ATRX: variants seen among roughly 807,000 people sequenced by gnomAD.
ATRX encodes ATRX chromatin remodeler.
Under a neutral mutation model 172.6 loss-of-function variants are expected in ATRX, and 12 were observed. The observed-to-expected ratio is 0.07, with a 90% CI of 0.04 to 0.11. ATRX has a LOEUF of 0.11. ATRX is among the 10% of genes least tolerant of loss of function. The pLI, the probability that ATRX is intolerant of heterozygous loss-of-function variation, is 1.00. For missense variants in ATRX, 1,368 were observed against 1,767.4 expected, an observed-to-expected ratio of 0.77 and a Z score of 4.05; for synonymous variants, 674 against 594.7, an observed-to-expected ratio of 1.13 and a Z score of -1.94.
At chrX:77,569,706 C>G (rs782105556) in intron 28 of ATRX, among the ~76,000 whole-genome samples, 1 of 111,687 alleles carries the variant, frequency 9.0e-6, no homozygotes, top group South Asian at 3.7e-4. Context: ...ATCTACAGGA[C>G]CTGTATACTG....
intron 25 of ATRX, among the ~76,000 whole-genome samples, chrX:77,598,970 C>T (rs782394540): frequency 3.6e-5 from 4 of 111,966 alleles, no homozygotes; most frequent in African/African-American, 9.7e-5. Flanking sequence ...ACTACAATCA[C>T]ACTTGATTAT....
intron 1 of ATRX, among the ~76,000 whole-genome samples, chrX:77,759,015 T>C (rs2075618633): frequency 8.9e-6 from 1 of 111,900 alleles, no homozygotes; most frequent in Non-Finnish European, 1.9e-5. Context: ...AACATGGCTG[T>C]TAAATTTTAA....
At chrX:77,654,949 TAA>T (rs782092472) in intron 13 of ATRX, among the ~76,000 whole-genome samples, 22 of 111,438 alleles carry the variant, frequency 2.0e-4, no homozygotes, top group Non-Finnish European at 3.8e-4. Flanking sequence ...AATGGAACAT[TAA>T]GTCTTTAAAA....
chrX:77,519,941 T>C (rs1025151442), intron 34 of ATRX, among the ~76,000 whole-genome samples: 17 of 112,154 alleles, frequency 1.5e-4, no homozygotes, highest in Admixed American at 1.3e-3. Context: ...AAAGAATATG[T>C]GGTACATATA....
In ATRX at chrX:77,663,412, T is replaced by C; in HGVS notation, c.4090A>G (p.Lys1364Glu). The C allele has an allele frequency of 8.3e-7, 1 of 1,211,796 alleles. No individual in the cohort carries two copies. Among genetic ancestry groups the C allele is most frequent in the Non-Finnish European group, 1.1e-6 (1 of 895,471 alleles). Reference protein sequence around the residue: ...EEKKTKPKEHKEVKGRNRRKV... With the variant: ...EEKKTKPKEHEEVKGRNRRKV... Reference sequence around the variant, plus strand: ...CTTCTGTTTCTGCCTTTGACTTCTTTATGCTCTTTAGGCTTTGTCTTTTTT... The same window carrying C: ...CTTCTGTTTCTGCCTTTGACTTCTTCATGCTCTTTAGGCTTTGTCTTTTTT... The change falls in exon 12 of 35, where the codon AAA becomes GAA. Residue 1364 changes from lysine (K) to glutamate (E), a missense_variant. Lys to Glu is a moderately conservative substitution (Grantham distance 56). Coordinates refer to ENST00000373344, the MANE Select transcript of ATRX (RefSeq NM_000489.6).
intron 28 of ATRX, among the ~76,000 whole-genome samples, chrX:77,568,563 C>G (rs2065286941): frequency 8.9e-6 from 1 of 112,020 alleles, no homozygotes; most frequent in South Asian, 3.7e-4. Flanking sequence ...AAGATTAACA[C>G]AAATCCCCAT....
intron 19 of ATRX, 37 bp downstream of exon 19, chrX:77,633,170 A>C (rs2068188695): frequency 1.7e-6 from 2 of 1,150,883 alleles, no homozygotes; most frequent in South Asian, 1.8e-5. Context: ...TTTTTATTCA[A>C]CTTGCTTCTT....
At chrX:77,526,392 T>C (rs1261636530) in intron 30 of ATRX, among the ~76,000 whole-genome samples, 1 of 111,785 alleles carries the variant, frequency 8.9e-6, no homozygotes, top group Non-Finnish European at 1.9e-5. Context: ...AACCTCCACC[T>C]CCCAGGTTCC....
rs1165603380 is a variant in ATRX, at chrX:77,505,748, G to GT, written c.*2602dup. 5.8e-6 allele frequency: 1 copy of GT among 172,145 alleles called. No homozygotes were observed. The highest frequency in any genetic ancestry group is 1.1e-5 in the Non-Finnish European group (1 of 89,926). The allele number at this position is 172,145 out of a possible 1,213,427, so 14.2% of individuals were successfully genotyped here. ...TCACTTTATTAAATGACATTAAATA[G>GT]TTTAAGTTTCAACTACTAAACAGCA... On this transcript the variant is annotated 3_prime_UTR_variant, in exon 35 of 35. Coordinates refer to ENST00000373344, the MANE Select transcript of ATRX (RefSeq NM_000489.6).
At position 77,701,078 on chromosome X, in the gene ATRX, G is replaced by A. The variant is rs147559282; in HGVS notation, c.134-2449C>T. Among the ~76,000 whole-genome samples, 27 of 112,528 alleles carry A rather than the reference G, an allele frequency of 2.4e-4. 1 individual carries two copies. Among genetic ancestry groups the A allele is most frequent in the Middle Eastern group, 9.1e-3 (2 of 219 alleles). ...GACATGTCAATGTAGGTTCATCAAC[G>A]TTATATAACAAATGTACAACTCTCT... On this transcript the variant is annotated intron_variant, in intron 2 of 34. Transcript: ENST00000373344.
chrX:77,646,411 T>C (rs1557113686), intron 15 of ATRX, among the ~76,000 whole-genome samples: 1 of 111,043 alleles, frequency 9.0e-6, no homozygotes. Context: ...TCTCAAAAAA[T>C]GTAATTATAA....
At chrX:77,599,638 G>C (rs2148146434) in intron 24 of ATRX, 58 bp from the exon 25 acceptor site, 1 of 1,200,574 alleles carries the variant, frequency 8.3e-7, no homozygotes, top group Non-Finnish European at 1.1e-6. Flanking sequence ...GAAAAGCATA[G>C]GAAAGATGTA....
At chrX:77,537,575 C>A (rs2063795193) in intron 30 of ATRX, among the ~76,000 whole-genome samples, 1 of 110,711 alleles carries the variant, frequency 9.0e-6, no homozygotes, top group South Asian at 3.8e-4. Context: ...TGGTGCACGC[C>A]TGTAGATTCA....
chrX:77,778,930 CTT>C (rs1269764223), intron 1 of ATRX, among the ~76,000 whole-genome samples: 1 of 107,532 alleles, frequency 9.3e-6, no homozygotes, highest in Non-Finnish European at 1.9e-5. Context: ...TGCTATCTCT[CTT>C]TTTTCTTTTT....
chrX:77,756,043 C>A (rs2075480297), intron 1 of ATRX, among the ~76,000 whole-genome samples: 1 of 112,191 alleles, frequency 8.9e-6, no homozygotes, highest in Admixed American at 9.5e-5. Flanking sequence ...CAGAGATGCC[C>A]TGCCCAGAGA....
intron 30 of ATRX, among the ~76,000 whole-genome samples, chrX:77,523,842 A>G (rs1358188133): frequency 9.0e-6 from 1 of 111,698 alleles, no homozygotes; most frequent in Non-Finnish European, 1.9e-5. Flanking sequence ...CAACCACTAT[A>G]TTAACAAAAA....
intron 1 of ATRX, among the ~76,000 whole-genome samples, chrX:77,760,738 T>C (rs1357884263): frequency 8.9e-6 from 1 of 112,064 alleles, no homozygotes; most frequent in Non-Finnish European, 1.9e-5. Context: ...ATGTTTTAAT[T>C]CTTTAAAAGA....
Position 77,616,202 on chromosome X carries a change from T to A in ATRX, c.5566+411A>T. On this transcript the variant is annotated intron_variant, in intron 22 of 34. Transcript: ENST00000373344. The stretch of plus-strand genomic sequence containing the variant: ...CATGCCTTGCCTTCTATTTTACTTT[T>A]GCCTTCAACCTTTGTTAATTAAATA... The A allele has an allele frequency of 3.6e-6, 3 of 836,142 alleles. No individual in the cohort carries two copies. The South Asian group carries it at 1.2e-4, about 34-fold the overall frequency. The allele number at this position is 836,142 out of a possible 1,213,427, so 68.9% of individuals were successfully genotyped here. A position where few individuals can be genotyped will look rare whatever the true frequency, so the allele number is the denominator to read the frequency against.
chrX:77,669,310 C>CTT (rs377754260), intron 10 of ATRX, among the ~76,000 whole-genome samples: 6 of 103,048 alleles, frequency 5.8e-5, no homozygotes, highest in Non-Finnish European at 1.2e-4. Context: ...CAGATGATGC[C>CTT]TTTTTTTTTT....
Sources: gnomAD v4.1 joint callset for allele counts (sites outside exome capture counted in the v4.1 genomes callset) on GRCh38, gnomAD v4.1.1 for gene constraint, MANE v1.5 for transcripts, NCBI Gene and HGNC (gene_info 2026-07-23, HGNC 2026-07-21) for gene names.